Variants in HEPACAM2 observed in about 807,000 individuals in gnomAD.
The protein encoded by HEPACAM2 is HEPACAM family member 2.
Under a neutral mutation model 49.6 loss-of-function variants are expected in HEPACAM2, and 49 were observed. The observed-to-expected ratio is 0.99, with a 90% CI of 0.78 to 1.25. The LOEUF (loss-of-function observed/expected upper bound fraction) is 1.25. Among genes scored for constraint, HEPACAM2 ranks in the 50% most tolerant of loss-of-function variants. HEPACAM2 has a pLI of 0.00. For missense variants in HEPACAM2, 525 were observed against 557.2 expected (o/e 0.94, Z 0.58); for synonymous variants, 197 against 202.9 (o/e 0.97, Z 0.25).
chr7:93,219,595 C>A, intron 1 of HEPACAM2, 144 bp from the exon 2 acceptor site: 1 of 1,418,224 alleles, frequency 7.1e-7, no homozygotes, highest in Admixed American at 2.5e-5. Context: ...GTACTGGTTA[C>A]ATATAGAGGT....
intron 9 of HEPACAM2, among the ~76,000 whole-genome samples, chr7:93,191,630 C>T (rs1793548955): frequency 6.6e-6 from 1 of 152,076 alleles, no homozygotes. Context: ...GGCTTTATTT[C>T]TCCACGGCAT....
At chr7:93,212,151 C>T (rs1794192491) in intron 3 of HEPACAM2, among the ~76,000 whole-genome samples, 1 of 151,902 alleles carries the variant, frequency 6.6e-6, no homozygotes, top group Admixed American at 6.6e-5. Context: ...CATTTAGAGC[C>T]AAGGCTAGTA....
intron 3 of HEPACAM2, among the ~76,000 whole-genome samples, chr7:93,212,467 C>T (rs1437355895): frequency 1.3e-5 from 2 of 151,826 alleles, no homozygotes; most frequent in African/African-American, 2.4e-5. Context: ...TGATATGTTT[C>T]TTAAAAAGTA....
intron 3 of HEPACAM2, among the ~76,000 whole-genome samples, chr7:93,211,138 C>A (rs1584345926): frequency 6.6e-6 from 1 of 151,986 alleles, no homozygotes; most frequent in Non-Finnish European, 1.5e-5. Context: ...AACGAATATA[C>A]AAAACAATAG....
At chr7:93,230,026 T>C (rs1794596138), upstream of HEPACAM2, among the ~76,000 whole-genome samples, 1 of 152,220 alleles carries the variant, frequency 6.6e-6, no homozygotes, top group African/African-American at 2.4e-5. Flanking sequence ...GAAGACTGTA[T>C]CCATTTTTAT....
In HEPACAM2 at chr7:93,214,679, C is replaced by G. The variant is rs548739871; in HGVS notation, c.715+722G>C. 2.6e-5 allele frequency among the ~76,000 whole-genome samples: 4 copies of G among 152,190 alleles called. No homozygotes were observed. The East Asian group carries it at 5.8e-4, about 22-fold the overall frequency. ...CATTTGCAGGTTTGATTATGGTTTT[C>G]TCTCCCATTTTTATATTTTCCACAC... On this transcript the variant is annotated intron_variant, in intron 3 of 9. Coordinates refer to ENST00000394468, the MANE Select transcript of HEPACAM2 (RefSeq NM_001039372.4).
At chr7:93,195,253 G>A (rs1473702396) in intron 8 of HEPACAM2, among the ~76,000 whole-genome samples, 2 of 151,974 alleles carry the variant, frequency 1.3e-5, no homozygotes, top group Non-Finnish European at 2.9e-5. Flanking sequence ...TTTGAGACAG[G>A]GTCTTACTCT....
chr7:93,222,024 T>A (rs1435548253), intron 1 of HEPACAM2, among the ~76,000 whole-genome samples: 1 of 152,074 alleles, frequency 6.6e-6, no homozygotes, highest in Non-Finnish European at 1.5e-5. Flanking sequence ...AGAAAAGAAG[T>A]AGTGGTTTTC....
At chr7:93,227,845 T>C (rs898265896), upstream of HEPACAM2, among the ~76,000 whole-genome samples, 3 of 152,238 alleles carry the variant, frequency 2.0e-5, no homozygotes, top group African/African-American at 7.2e-5. Context: ...AATAATCTTA[T>C]TCATTCATGG....
intron 4 of HEPACAM2, among the ~76,000 whole-genome samples, chr7:93,198,414 A>G (rs1394434673): frequency 1.3e-5 from 2 of 152,124 alleles, no homozygotes; most frequent in Non-Finnish European, 2.9e-5. Context: ...CACTTGGGTT[A>G]TAAGTGGTAG....
At chr7:93,199,664 T>C (rs755102126) in intron 4 of HEPACAM2, among the ~76,000 whole-genome samples, 1 of 152,088 alleles carries the variant, frequency 6.6e-6, no homozygotes, top group Non-Finnish European at 1.5e-5. Context: ...CATGAAGTTA[T>C]GTAAATAGGA....
At chr7:93,231,690 A>G in the HEPACAM2 span, among the ~76,000 whole-genome samples, 1 of 152,170 alleles carries the variant, frequency 6.6e-6, no homozygotes, top group Admixed American at 6.5e-5. Flanking sequence ...AAAGTTGAAA[A>G]GAGGACTTTA....
chr7:93,190,786 T>C (rs1435679071), intron 9 of HEPACAM2, among the ~76,000 whole-genome samples: 5 of 151,882 alleles, frequency 3.3e-5, no homozygotes, highest in African/African-American at 1.2e-4. Context: ...TTTTTAAGAA[T>C]CAGTTTTTTG....
chr7:93,222,258 T>G (rs1477952451), intron 1 of HEPACAM2, among the ~76,000 whole-genome samples: 1 of 152,130 alleles, frequency 6.6e-6, no homozygotes, highest in Non-Finnish European at 1.5e-5. Context: ...TTATATGTCT[T>G]TCATTGAAGT....
chr7:93,192,496 T>C, intron 8 of HEPACAM2, 133 bp from the exon 9 acceptor site: 2 of 671,272 alleles, frequency 3.0e-6, no homozygotes, highest in East Asian at 2.7e-5. Context: ...CCCTAGAAAG[T>C]TGACTTCCTC....
intron 1 of HEPACAM2, among the ~76,000 whole-genome samples, chr7:93,222,901 G>A (rs1350639340): frequency 6.6e-6 from 1 of 152,112 alleles, no homozygotes; most frequent in Non-Finnish European, 1.5e-5. Context: ...CCAGTTTTTG[G>A]TTCATATATT....
At chr7:93,204,330 CTAT>C (rs1793971925) in intron 4 of HEPACAM2, among the ~76,000 whole-genome samples, 2 of 114,922 alleles carry the variant, frequency 1.7e-5, no homozygotes, top group Non-Finnish European at 3.9e-5. Context: ...CATTCTCTAT[CTAT>C]CTATCTATCT....
At chr7:93,197,858 A>G (rs1055913369) in intron 4 of HEPACAM2, among the ~76,000 whole-genome samples, 1 of 152,108 alleles carries the variant, frequency 6.6e-6, no homozygotes, top group Admixed American at 6.6e-5. Context: ...ACTGTGTTGT[A>G]CTAGGTGTAG....
chr7:93,207,109 C>T (rs1794047928), intron 4 of HEPACAM2, among the ~76,000 whole-genome samples: 1 of 152,046 alleles, frequency 6.6e-6, no homozygotes, highest in Non-Finnish European at 1.5e-5. Context: ...CCAAGGGCAA[C>T]ATACTGAAAA....
Sources: gnomAD v4.1 joint callset for allele counts (sites outside exome capture counted in the v4.1 genomes callset) on GRCh38, gnomAD v4.1.1 for gene constraint, MANE v1.5 for transcripts, NCBI Gene and HGNC (gene_info 2026-07-23, HGNC 2026-07-21) for gene names.